The following SSBP2 variants were observed in gnomAD, a reference collection of about 807,000 sequenced individuals.
The protein encoded by SSBP2 is single-stranded DNA-binding protein 2.
In SSBP2, 17 loss-of-function variants were observed where a neutral mutation model predicts 61.8. The observed-to-expected ratio is 0.28, with a 90% CI of 0.19 to 0.41. The LOEUF (loss-of-function observed/expected upper bound fraction) is 0.41. Ranked by LOEUF, SSBP2 falls within the 10% of genes least tolerant of loss-of-function variation. SSBP2 has a pLI of 1.00. For synonymous variants in SSBP2, 139 were observed against 141.3 expected (o/e 0.98, Z 0.12); for missense variants, 310 against 458.7 (o/e 0.68, Z 2.96).
chr5:81,470,194 A>T (rs111828978), intron 8 of SSBP2, among the ~76,000 whole-genome samples: 24 of 152,058 alleles, frequency 1.6e-4, no homozygotes, highest in African/African-American at 5.3e-4. Context: ...AGAGAAGCTA[A>T]AACTAGTTGG....
At chr5:81,553,275 C>G (rs1772347086) in intron 4 of SSBP2, among the ~76,000 whole-genome samples, 1 of 152,054 alleles carries the variant, frequency 6.6e-6, no homozygotes, top group African/African-American at 2.4e-5. Context: ...GTTTTATTTT[C>G]TCTAGACAAG....
intron 4 of SSBP2, among the ~76,000 whole-genome samples, chr5:81,589,320 T>C (rs923169116): frequency 6.6e-6 from 1 of 152,144 alleles, no homozygotes; most frequent in African/African-American, 2.4e-5. Flanking sequence ...AGGTTCAAAC[T>C]GGAAATTAGA....
At chr5:81,683,526 C>T (rs945882447) in intron 1 of SSBP2, among the ~76,000 whole-genome samples, 9 of 152,112 alleles carry the variant, frequency 5.9e-5, no homozygotes, top group African/African-American at 2.2e-4. Flanking sequence ...AACAATAAAA[C>T]TCCTAGAAGA....
At chr5:81,450,250 T>G (rs1472454987) in intron 10 of SSBP2, among the ~76,000 whole-genome samples, 1 of 152,172 alleles carries the variant, frequency 6.6e-6, no homozygotes, top group Non-Finnish European at 1.5e-5. Context: ...CTCAAACTCC[T>G]GAGCCAAGCG....
At chr5:81,668,248 TA>T (rs11332987) in intron 1 of SSBP2, among the ~76,000 whole-genome samples, 21,872 of 94,526 alleles carry the variant, frequency 0.23, 1,268 homozygotes, top group African/African-American at 0.3. Context: ...TATGGAAGTT[TA>T]AAAAAAAAAA....
intron 3 of SSBP2, among the ~76,000 whole-genome samples, chr5:81,626,781 T>C (rs967353652): frequency 6.6e-6 from 1 of 152,308 alleles, no homozygotes; most frequent in East Asian, 1.9e-4. Flanking sequence ...TTATATACAC[T>C]GCCTGGAATT....
At position 81,712,616 on chromosome 5, in the gene SSBP2, A is replaced by AAAAAAAT. The variant is rs1431941309; in HGVS notation, c.62+38364_62+38365insATTTTTT. Among the ~76,000 whole-genome samples the AAAAAAAT allele has an allele frequency of 4.2e-3, 25 of 5,926 alleles. 10 individuals carry two copies. The highest frequency in any genetic ancestry group is 0.024 in the African/African-American group (25 of 1,024). 3.9% of individuals were successfully genotyped at this position (5,926 alleles called of 152,430 possible). On this transcript the variant is annotated intron_variant, in intron 1 of 16. Coordinates refer to ENST00000320672, the MANE Select transcript of SSBP2 (RefSeq NM_012446.5). ...GAGCGAGACTCCGTCTCAAAAAAAA[A>AAAAAAAT]AAAAAAAATAAAGATTACAGATTTC...
intron 4 of SSBP2, among the ~76,000 whole-genome samples, chr5:81,551,867 G>A (rs1215330643): frequency 6.6e-6 from 1 of 152,076 alleles, no homozygotes; most frequent in African/African-American, 2.4e-5. Context: ...TTAAAATGTT[G>A]ACAACTATTA....
intron 9 of SSBP2, among the ~76,000 whole-genome samples, chr5:81,465,465 T>A (rs189481960): frequency 1.3e-5 from 2 of 151,996 alleles, no homozygotes; most frequent in African/African-American, 4.8e-5. Flanking sequence ...AATGGTCACA[T>A]AGAAACAATT....
intron 6 of SSBP2, among the ~76,000 whole-genome samples, chr5:81,483,526 A>T (rs879446330): frequency 1.9e-4 from 29 of 152,276 alleles, no homozygotes; most frequent in Non-Finnish European, 2.4e-4. Flanking sequence ...GCCTTTAGAA[A>T]TACCCACATC....
At chr5:81,510,169 C>T (rs1768489365) in intron 5 of SSBP2, among the ~76,000 whole-genome samples, 1 of 152,106 alleles carries the variant, frequency 6.6e-6, no homozygotes, top group Admixed American at 6.5e-5. Context: ...ATTTTTATCT[C>T]TAGTTTAGAT....
At chr5:81,571,799 C>G (rs1299648900) in intron 4 of SSBP2, among the ~76,000 whole-genome samples, 1 of 152,028 alleles carries the variant, frequency 6.6e-6, no homozygotes, top group Non-Finnish European at 1.5e-5. Flanking sequence ...TTCTGGCTGC[C>G]TTTTCCTATC....
At chr5:81,750,630 C>T (rs1757695434) in intron 1 of SSBP2, 1 of 247,640 alleles carries the variant, frequency 4.0e-6, no homozygotes, top group African/African-American at 2.4e-5. Context: ...TCCCCAGGTC[C>T]CCGGAGCCCC....
At chr5:81,751,148 T>G, upstream of SSBP2, 1 of 1,177,402 alleles carries the variant, frequency 8.5e-7, no homozygotes. Flanking sequence ...CCCCCACTAT[T>G]GGCCGCCCCA....
At chr5:81,532,475 T>C (rs888458064) in intron 4 of SSBP2, among the ~76,000 whole-genome samples, 1 of 151,630 alleles carries the variant, frequency 6.6e-6, no homozygotes, top group African/African-American at 2.4e-5. Context: ...GAAAATGAAA[T>C]AGTAAAAATT....
chr5:81,631,228 T>C (rs983987298), intron 3 of SSBP2, among the ~76,000 whole-genome samples: 9 of 152,194 alleles, frequency 5.9e-5, no homozygotes, highest in African/African-American at 2.2e-4. Flanking sequence ...CACCTGTTCC[T>C]GCCCTACATA....
intron 6 of SSBP2, among the ~76,000 whole-genome samples, chr5:81,484,117 G>T (rs535708544): frequency 6.6e-6 from 1 of 152,168 alleles, no homozygotes; most frequent in Non-Finnish European, 1.5e-5. Context: ...ACCTCAACAA[G>T]TATCTCTTGA....
At chr5:81,686,854 CAAAAA>C (rs57665340) in intron 1 of SSBP2, among the ~76,000 whole-genome samples, 22 of 91,042 alleles carry the variant, frequency 2.4e-4, no homozygotes, top group Admixed American at 1.4e-3. Context: ...GACTTCATCT[CAAAAA>C]AAAAAAAAAA....
intron 5 of SSBP2, among the ~76,000 whole-genome samples, chr5:81,510,832 C>G (rs761066465): frequency 3.3e-5 from 5 of 152,144 alleles, no homozygotes; most frequent in Non-Finnish European, 7.4e-5. Flanking sequence ...AGACTTGTTC[C>G]TCTGCAATTC....
Sources: allele counts gnomAD v4.1 joint callset (sites outside exome capture counted in the v4.1 genomes callset), GRCh38; gene constraint gnomAD v4.1.1; transcripts MANE v1.5; gene names NCBI Gene and HGNC (gene_info 2026-07-23, HGNC 2026-07-21).